Variants in EXD3 observed in about 807,000 individuals in gnomAD.
EXD3 encodes the protein exonuclease 3'-5' domain containing 3.
A neutral mutation model predicts 98.0 loss-of-function variants in EXD3; 92 were observed. The ratio of observed to expected loss-of-function variants is 0.94; its 90% CI spans 0.79 to 1.12. The LOEUF is 1.12. Among genes scored for constraint, EXD3 ranks in the 50% most tolerant of loss-of-function variants. EXD3 has a pLI of 0.00. For missense variants in EXD3, 1,222 were observed against 1,191.6 expected, an observed-to-expected ratio of 1.03 and a Z score of -0.38; for synonymous variants, 569 against 526.0, an observed-to-expected ratio of 1.08 and a Z score of -1.12.
chr9:137,355,230 C>G (rs1189119879), intron 8 of EXD3, among the ~76,000 whole-genome samples: 2 of 152,122 alleles, frequency 1.3e-5, no homozygotes, highest in Non-Finnish European at 2.9e-5. Flanking sequence ...ATACTCCACT[C>G]CAGAGCCTGA....
chr9:137,307,743 C>T, intron 20 of EXD3, 97 bp from the exon 21 acceptor site: 1 of 1,347,138 alleles, frequency 7.4e-7, no homozygotes, highest in Non-Finnish European at 1.0e-6. Context: ...TGAGCACAGT[C>T]ACCTCATGGG....
At position 137,354,387 on chromosome 9, in the gene EXD3, C is replaced by A; in HGVS notation, c.832-10G>T. On this transcript the variant is annotated splice_polypyrimidine_tract_variant and intron_variant, in intron 9 of 21. Transcript: ENST00000340951. ...CCTGTGACAGGCTCTTCTGCAAAGG[C>A]AAACAGGAAGGGGCGGTTGCCAGGC... 6.2e-7 allele frequency: 1 copy of A among 1,612,348 alleles called. No individual in the cohort carries two copies. The highest frequency in any genetic ancestry group is 2.2e-5 in the East Asian group (1 of 44,874).
In EXD3 at chr9:137,366,501, G is replaced by A. The variant is rs538089634; in HGVS notation, c.648C>T (p.Asp216=). ...CGCCCCACGGGACTCACCTGGCAAC[G>A]TCCTTGATGTCAAAGCCGGGCTGGC... ...SWCQPGFDIK[D]VARRYPEVTS... The change falls in exon 7 of 22, where the codon GAC becomes GAT. Residue 216 remains aspartate, a synonymous_variant. Transcript: ENST00000340951. The A allele has an allele frequency of 6.4e-6, 10 of 1,550,512 alleles. No homozygotes were observed. The Admixed American group carries it at 9.8e-5, about 15-fold the overall frequency.
chr9:137,373,737 T>A, intron 3 of EXD3, 138 bp from the exon 4 acceptor site: 1 of 964,334 alleles, frequency 1.0e-6, no homozygotes, highest in Non-Finnish European at 1.5e-6. Flanking sequence ...CATCTGCGCC[T>A]CCGTGACTTT....
chr9:137,336,163 G>A (rs1232817595), intron 17 of EXD3, among the ~76,000 whole-genome samples: 1 of 152,268 alleles, frequency 6.6e-6, no homozygotes, highest in South Asian at 2.1e-4. Flanking sequence ...GGAGGAGTAA[G>A]GGATAAAAAG....
Position 137,356,319 on chromosome 9 carries a change from C to G in EXD3, c.706G>C (p.Ala236Pro). The stretch of plus-strand genomic sequence containing the variant: ...AGACGCAAGACCTGCCTGCTCAGCG[C>G]CTTCGGACTCAGCTTCTCCAGGCTC... ...SLSLEKLSPK[A>P]LSRQVLRLQE... Residue 236 changes from alanine to proline, a missense_variant, in exon 8 of 22, where the codon GCG becomes CCG. Physicochemically the swap from Ala to Pro is conservative, Grantham distance 27. Transcript: ENST00000340951. 1.2e-6 allele frequency: 2 copies of G among 1,604,678 alleles called. No homozygotes were observed. The highest frequency in any genetic ancestry group is 1.7e-6 in the Non-Finnish European group (2 of 1,176,104).
intron 19 of EXD3, among the ~76,000 whole-genome samples, chr9:137,315,529 G>A (rs752568162): frequency 1.3e-5 from 2 of 152,116 alleles, no homozygotes; most frequent in Non-Finnish European, 2.9e-5. Context: ...GGTCCAGGAG[G>A]GCTGGGGGTG....
chr9:137,312,128 C>T (rs915948222), intron 19 of EXD3, among the ~76,000 whole-genome samples: 3 of 152,192 alleles, frequency 2.0e-5, no homozygotes, highest in South Asian at 4.1e-4. Context: ...AGGGTGCCGT[C>T]GGGTCTGGGC....
chr9:137,311,801 C>A (rs1401322503), intron 19 of EXD3, among the ~76,000 whole-genome samples: 2 of 152,216 alleles, frequency 1.3e-5, no homozygotes, highest in Non-Finnish European at 2.9e-5. Flanking sequence ...GTCCATCTGT[C>A]CACTCCAGGG....
chr9:137,420,141 CAGAG>C (rs1297782571), intron 1 of EXD3, among the ~76,000 whole-genome samples: 1 of 151,412 alleles, frequency 6.6e-6, no homozygotes, highest in Non-Finnish European at 1.5e-5. Context: ...GCCTGGGCGA[CAGAG>C]GGAGACTCCG....
chr9:137,351,032 G>A lies in EXD3; in HGVS notation c.1494+6C>T, dbSNP rs1438132724. 1.3e-6 allele frequency: 2 copies of A among 1,553,896 alleles called. No individual in the cohort carries two copies. On this transcript the variant is annotated splice_donor_region_variant and intron_variant, in intron 14 of 21. Coordinates refer to ENST00000340951, the MANE Select transcript of EXD3 (RefSeq NM_017820.5). ...GCATCTTGTGAGCGGCTCAGTGGGT[G>A]CCCACCTGTCTGTGCACCAGCAGCA... is the stretch of plus-strand genomic sequence containing the variant.
rs1044914743 is a variant in EXD3 at position 137,407,255 on chromosome 9, G to A, written c.-47-11851C>T. Reference sequence around the variant, plus strand: ...ACCCGCACGCCCAGGCTGGGTCTCCGTTTCCCACCAGGCCAGCGCTGCAGG... The same window carrying A: ...ACCCGCACGCCCAGGCTGGGTCTCCATTTCCCACCAGGCCAGCGCTGCAGG... On this transcript the variant is annotated intron_variant, in intron 1 of 21. Coordinates refer to ENST00000340951, the MANE Select transcript of EXD3 (RefSeq NM_017820.5). The surrounding 1 kb of genome is among the most constrained non-coding windows in gnomAD (Gnocchi z 4.4). Among the ~76,000 whole-genome samples the A allele has an allele frequency of 1.3e-5, 2 of 152,170 alleles. No individual in the cohort carries two copies. The highest frequency in any genetic ancestry group is 2.4e-5 in the African/African-American group (1 of 41,428).
At chr9:137,312,468 G>A (rs760072952) in intron 19 of EXD3, among the ~76,000 whole-genome samples, 6 of 152,266 alleles carry the variant, frequency 3.9e-5, no homozygotes, top group Admixed American at 2.6e-4. Context: ...GCTGGGCCAC[G>A]AGCCCGTGGG....
In EXD3 at chr9:137,324,215, C is replaced by T. The variant is rs1188650451; in HGVS notation, c.1999-72G>A. ...CCTGGACTGGGCCACCTCTGCTCGC[C>T]ACCCCCTAGCTCCCCGGATCGTGGC... On this transcript the variant is annotated intron_variant, in intron 17 of 21. Transcript: ENST00000340951. The surrounding 1 kb of genome is among the most constrained non-coding windows in gnomAD (Gnocchi z 4.1). The T allele has an allele frequency of 3.8e-6, 5 of 1,312,258 alleles. No homozygotes were observed. The highest frequency in any genetic ancestry group is 3.2e-6 in the Non-Finnish European group (3 of 935,774). The allele number at this position is 1,312,258 out of a possible 1,614,324, so 81.3% of individuals were successfully genotyped here.
chr9:137,383,330 T>G lies in EXD3; in HGVS notation c.103A>C (p.Thr35Pro). Residue 35 changes from threonine (T) to proline (P), a missense_variant, in exon 3 of 22, where the codon ACG becomes CCG. By Grantham distance (38) the Thr-to-Pro change is conservative. Coordinates refer to ENST00000340951, the MANE Select transcript of EXD3 (RefSeq NM_017820.5). Reference protein sequence around the residue: ...LLQALQTLWSTRERKQLREEA... With the variant: ...LLQALQTLWSPRERKQLREEA... ...CCACTCACCTGCTTCCGCTCCCGCG[T>G]GGACCACAGGGTCTGCAGGGCCTGC... is the stretch of plus-strand genomic sequence containing the variant. The G allele has an allele frequency of 6.5e-7, 1 of 1,550,114 alleles. No homozygotes were observed. Among genetic ancestry groups the G allele is most frequent in the Non-Finnish European group, 8.7e-7 (1 of 1,146,718 alleles).
intron 19 of EXD3, among the ~76,000 whole-genome samples, chr9:137,317,183 G>C (rs1182317096): frequency 6.6e-6 from 1 of 152,142 alleles, no homozygotes; most frequent in Admixed American, 6.5e-5. Flanking sequence ...GCGGGCAGGG[G>C]AGGCGGCCCC....
Position 137,393,174 on chromosome 9 carries a change from T to G in EXD3, c.55+2129A>C, listed in dbSNP as rs950886762. ...CCAGGGGCCCTGCTAGCTGGGGTGT[T>G]GCACTTTGAAAACATCCCACTCTGC... On this transcript the variant is annotated intron_variant, in intron 2 of 21. Transcript: ENST00000340951. This position sits in a 1 kb window ranked among gnomAD's most constrained non-coding sequence, Gnocchi z 4.6. The G allele has an allele frequency of 1.4e-6, 1 of 702,328 alleles. No homozygotes were observed. The highest frequency in any genetic ancestry group is 1.8e-5 in the African/African-American group (1 of 57,142). 43.5% of individuals were successfully genotyped at this position (702,328 alleles called of 1,614,324 possible).
chr9:137,411,724 T>TGGGC (rs1838011941), intron 1 of EXD3, among the ~76,000 whole-genome samples: 2 of 50,666 alleles, frequency 3.9e-5, no homozygotes, highest in African/African-American at 7.3e-5. Flanking sequence ...GGGGGATGGG[T>TGGGC]GGGGGAGGGG....
In EXD3 at chr9:137,349,631, C is replaced by T. The variant is rs910261648; in HGVS notation, c.1495-100G>A. On this transcript the variant is annotated intron_variant, in intron 14 of 21. Coordinates refer to ENST00000340951, the MANE Select transcript of EXD3 (RefSeq NM_017820.5). The surrounding 1 kb of genome is among the most constrained non-coding windows in gnomAD (Gnocchi z 7.4). Reference sequence around the variant, plus strand: ...GCCCTGCGGGGGCTCTGGAGGAGGCCCCGCCCCCTCCACCAGCGGCCCCCA... The same window carrying T: ...GCCCTGCGGGGGCTCTGGAGGAGGCTCCGCCCCCTCCACCAGCGGCCCCCA... 38 of 1,234,278 alleles carry T rather than the reference C, an allele frequency of 3.1e-5. No individual in the cohort carries two copies. In the African/African-American group the frequency reaches 5.1e-4, roughly 17 times the overall value. The allele number at this position is 1,234,278 out of a possible 1,614,324, so 76.5% of individuals were successfully genotyped here.
Sources: gnomAD v4.1 joint callset for allele counts (sites outside exome capture counted in the v4.1 genomes callset) on GRCh38, gnomAD v4.1.1 for gene constraint, Gnocchi (gnomAD v3.1) non-coding constraint, MANE v1.5 for transcripts, NCBI Gene and HGNC (gene_info 2026-07-23, HGNC 2026-07-21) for gene names.